The following HPGDS variants were observed in gnomAD, a reference collection of about 807,000 sequenced individuals.
HPGDS encodes the protein hematopoietic prostaglandin D synthase.
A neutral mutation model predicts 23.1 loss-of-function variants in HPGDS; 26 were observed. That is an observed-to-expected ratio of 1.13 (90% CI 0.83 to 1.56). The LOEUF (loss-of-function observed/expected upper bound fraction) is 1.56. HPGDS is among the 40% of genes most tolerant of loss of function. HPGDS has a pLI of 0.00. For missense variants in HPGDS, 268 were observed against 236.4 expected (o/e 1.13, Z -0.88); for synonymous variants, 95 against 77.9 (o/e 1.22, Z -1.16).
chr4:94,339,543 A>G (rs889631415), intron 1 of HPGDS, among the ~76,000 whole-genome samples: 4 of 152,238 alleles, frequency 2.6e-5, no homozygotes, highest in East Asian at 3.8e-4. Flanking sequence ...AAAAACTTAG[A>G]CATATAAACT....
intron 2 of HPGDS, among the ~76,000 whole-genome samples, chr4:94,325,750 A>G (rs1472947999): frequency 6.6e-6 from 1 of 152,138 alleles, no homozygotes; most frequent in Non-Finnish European, 1.5e-5. Flanking sequence ...GGGTGAGGCA[A>G]TACCCCACAC....
intron 3 of HPGDS, among the ~76,000 whole-genome samples, chr4:94,317,369 AC>A (rs1756418364): frequency 6.6e-6 from 1 of 152,184 alleles, no homozygotes; most frequent in Admixed American, 6.5e-5. Context: ...CACTAATGCA[AC>A]AATCCGGAAG....
chr4:94,317,147 G>T (rs1031459963), intron 3 of HPGDS, among the ~76,000 whole-genome samples: 1 of 152,128 alleles, frequency 6.6e-6, no homozygotes, highest in Non-Finnish European at 1.5e-5. Flanking sequence ...TGGCAATGGT[G>T]GTGGGGAGAT....
chr4:94,331,181 C>T (rs536952567), intron 2 of HPGDS, among the ~76,000 whole-genome samples: 35 of 152,284 alleles, frequency 2.3e-4, no homozygotes, highest in African/African-American at 8.4e-4. Context: ...ATCTTGTCTA[C>T]TTACTAAGTT....
At chr4:94,315,131 A>G (rs1756369250) in intron 3 of HPGDS, among the ~76,000 whole-genome samples, 1 of 152,116 alleles carries the variant, frequency 6.6e-6, no homozygotes, top group South Asian at 2.1e-4. Context: ...TGCTCGGTGC[A>G]CTGCACCCAC....
intron 3 of HPGDS, among the ~76,000 whole-genome samples, chr4:94,316,036 T>A (rs2126039582): frequency 6.6e-6 from 1 of 152,270 alleles, no homozygotes; most frequent in South Asian, 2.1e-4. Flanking sequence ...AGCTCTCCTT[T>A]TTTTACCCAA....
intron 4 of HPGDS, among the ~76,000 whole-genome samples, chr4:94,304,206 A>G (rs1202470314): frequency 6.6e-6 from 1 of 152,104 alleles, no homozygotes; most frequent in Non-Finnish European, 1.5e-5. Context: ...ATATTTCTCA[A>G]AAGCATTTTC....
At chr4:94,337,202 C>A (rs1435767815) in intron 1 of HPGDS, among the ~76,000 whole-genome samples, 2 of 152,014 alleles carry the variant, frequency 1.3e-5, no homozygotes, top group African/African-American at 4.8e-5. Flanking sequence ...GTCTCCCAAC[C>A]TCAGGTAATC....
At chr4:94,334,724 A>G (rs1720953110) in intron 1 of HPGDS, 86 bp from the exon 2 acceptor site, 2 of 1,244,824 alleles carry the variant, frequency 1.6e-6, no homozygotes, top group Non-Finnish European at 2.2e-6. Flanking sequence ...GGAAAACTTT[A>G]TGGCATCTCT....
intron 3 of HPGDS, among the ~76,000 whole-genome samples, chr4:94,310,169 C>T (rs1756234519): frequency 1.3e-5 from 2 of 152,072 alleles, no homozygotes; most frequent in Non-Finnish European, 1.5e-5. Flanking sequence ...CTTTTGTTGC[C>T]ATTGCTTTTG....
Position 94,299,121 on chromosome 4 carries a change from C to G in HPGDS, c.*359G>C, listed in dbSNP as rs1755981135. Reference sequence around the variant, plus strand: ...CTACTAGCAAAGTTTGTGTTTTATGCAATTACAGGTAATTGTGGTAGCTGA... The same window carrying G: ...CTACTAGCAAAGTTTGTGTTTTATGGAATTACAGGTAATTGTGGTAGCTGA... On this transcript the variant is annotated 3_prime_UTR_variant, in exon 6 of 6. Coordinates refer to ENST00000295256, the MANE Select transcript of HPGDS (RefSeq NM_014485.3). 5.6e-6 allele frequency: 1 copy of G among 177,220 alleles called. No homozygotes were observed. Among genetic ancestry groups the G allele is most frequent in the Admixed American group, 5.7e-5 (1 of 17,516 alleles). 11.0% of individuals were successfully genotyped at this position (177,220 alleles called of 1,614,324 possible).
chr4:94,338,928 G>A (rs969955104), intron 1 of HPGDS, among the ~76,000 whole-genome samples: 1 of 152,176 alleles, frequency 6.6e-6, no homozygotes, highest in Non-Finnish European at 1.5e-5. Context: ...GAAAAAAAGA[G>A]AACAGGAGAG....
chr4:94,313,556 T>C (rs1756327733), intron 3 of HPGDS, among the ~76,000 whole-genome samples: 1 of 152,246 alleles, frequency 6.6e-6, no homozygotes, highest in Admixed American at 6.5e-5. Flanking sequence ...CCTTTCTCTT[T>C]GGCTGCCCTT....
At chr4:94,322,562 A>C (rs1455117731) in intron 2 of HPGDS, among the ~76,000 whole-genome samples, 1 of 152,142 alleles carries the variant, frequency 6.6e-6, no homozygotes, top group African/African-American at 2.4e-5. Context: ...AGGTGTTTAT[A>C]GTATTCTCTG....
chr4:94,327,465 G>T (rs1030706178), intron 2 of HPGDS, among the ~76,000 whole-genome samples: 1 of 152,062 alleles, frequency 6.6e-6, no homozygotes, highest in African/African-American at 2.4e-5. Context: ...TGGGTGGGGT[G>T]GGCTGGTCCT....
intron 2 of HPGDS, among the ~76,000 whole-genome samples, chr4:94,324,072 A>G (rs904789090): frequency 2.0e-5 from 3 of 152,216 alleles, no homozygotes; most frequent in Non-Finnish European, 2.9e-5. Context: ...TTATTTAAGC[A>G]TGTTGAATAT....
At position 94,338,146 on chromosome 4, in the gene HPGDS, G is replaced by A. The variant is rs576443485; in HGVS notation, c.-9-3508C>T. On this transcript the variant is annotated intron_variant, in intron 1 of 5. Coordinates refer to ENST00000295256, the MANE Select transcript of HPGDS (RefSeq NM_014485.3). ...TACATTAAAAGAGAAAAATCAGGCC[G>A]GGTGCAGTGGCTCACGTCTGTAATC... is the stretch of plus-strand genomic sequence containing the variant. Among the ~76,000 whole-genome samples the A allele has an allele frequency of 7.2e-5, 11 of 152,226 alleles. No individual in the cohort carries two copies. In the East Asian group the frequency reaches 1.7e-3, roughly 24 times the overall value.
At chr4:94,331,259 T>C (rs897359017) in intron 2 of HPGDS, among the ~76,000 whole-genome samples, 1 of 152,212 alleles carries the variant, frequency 6.6e-6, no homozygotes, top group Non-Finnish European at 1.5e-5. Flanking sequence ...ATATTTAGTT[T>C]GCTATTACAG....
At chr4:94,299,962 T>C (rs1756002530) in intron 5 of HPGDS, among the ~76,000 whole-genome samples, 1 of 152,206 alleles carries the variant, frequency 6.6e-6, no homozygotes, top group African/African-American at 2.4e-5. Context: ...ATTTTCCTTA[T>C]CCAATAACCA....
Sources: gnomAD v4.1 joint callset for allele counts (sites outside exome capture counted in the v4.1 genomes callset) on GRCh38, gnomAD v4.1.1 for gene constraint, MANE v1.5 for transcripts, NCBI Gene and HGNC (gene_info 2026-07-23, HGNC 2026-07-21) for gene names.